Variants in TRIP4 observed in about 807,000 individuals in gnomAD.
TRIP4 encodes thyroid hormone receptor interactor 4, also known as activating signal cointegrator 1.
In TRIP4, 54 loss-of-function variants were observed where a neutral mutation model predicts 81.8. The observed-to-expected ratio is 0.66, with a 90% CI of 0.53 to 0.83. The LOEUF (loss-of-function observed/expected upper bound fraction) is 0.83. Among genes scored for constraint, TRIP4 ranks in the 40% least tolerant of loss-of-function variants. The pLI, the probability that TRIP4 is intolerant of heterozygous loss-of-function variation, is 0.00. For synonymous variants in TRIP4, 270 were observed against 242.8 expected (o/e 1.11, Z -1.04); for missense variants, 662 against 683.6 (o/e 0.97, Z 0.35).
Position 64,424,382 on chromosome 15 carries a change from T to C in TRIP4, c.1483+227T>C, listed in dbSNP as rs184444257. On this transcript the variant is annotated intron_variant, in intron 10 of 12. Coordinates refer to ENST00000261884, the MANE Select transcript of TRIP4 (RefSeq NM_016213.5). ...ATTTCCAACACAAGAAATCAACTAG[T>C]CTTAATTTTTTTATCTGAGAAAATC... 369 of 505,396 alleles carry C rather than the reference T, an allele frequency of 7.3e-4. 1 individual carries two copies. The highest frequency in any genetic ancestry group is 6.9e-5 in the Non-Finnish European group (21 of 303,366). The allele number at this position is 505,396 out of a possible 1,614,324, so 31.3% of individuals were successfully genotyped here.
intron 9 of TRIP4, among the ~76,000 whole-genome samples, chr15:64,423,191 G>A (rs537474213): frequency 7.2e-5 from 11 of 152,156 alleles, no homozygotes; most frequent in Non-Finnish European, 1.2e-4. Context: ...AAATGGAGCC[G>A]GGCATGGTGG....
chr15:64,417,249 C>T (rs1245516853), intron 8 of TRIP4, among the ~76,000 whole-genome samples: 5 of 152,018 alleles, frequency 3.3e-5, no homozygotes, highest in Non-Finnish European at 7.4e-5. Context: ...TGGGCTCAAG[C>T]GATCCTCCTG....
rs1891721924 is a variant in TRIP4 at position 64,409,930 on chromosome 15, G to A, written c.1043+102G>A. The A allele has an allele frequency of 2.8e-6, 3 of 1,054,428 alleles. No homozygotes were observed. In the South Asian group the frequency reaches 4.8e-5, roughly 17 times the overall value. The allele number at this position is 1,054,428 out of a possible 1,614,324, so 65.3% of individuals were successfully genotyped here. A position where few individuals can be genotyped will look rare whatever the true frequency, so the allele number is the denominator to read the frequency against. On this transcript the variant is annotated intron_variant, in intron 7 of 12. Transcript: ENST00000261884. ...TTTTATTTTTGTTGATTTAAAAAAT[G>A]TGTTTATTTGGAACAGAAAACATGT... is the stretch of plus-strand genomic sequence containing the variant.
chr15:64,413,788 A>G (rs1891824842), intron 7 of TRIP4, among the ~76,000 whole-genome samples: 1 of 151,562 alleles, frequency 6.6e-6, no homozygotes, highest in Non-Finnish European at 1.5e-5. Flanking sequence ...GGGTTTCACC[A>G]TGTTGGCCAG....
intron 11 of TRIP4, among the ~76,000 whole-genome samples, chr15:64,431,860 A>C (rs1892282987): frequency 1.3e-5 from 1 of 76,692 alleles, no homozygotes; most frequent in Non-Finnish European, 3.1e-5. Context: ...TTTTTTATCC[A>C]AAGAGCATTG....
chr15:64,449,271 GT>G (rs1258427389), intron 12 of TRIP4, among the ~76,000 whole-genome samples: 1 of 148,168 alleles, frequency 6.7e-6, no homozygotes, highest in East Asian at 2.0e-4. Flanking sequence ...TTAAATGTTT[GT>G]TTTTTTTGTT....
At chr15:64,442,693 A>G (rs991100376) in intron 11 of TRIP4, among the ~76,000 whole-genome samples, 2 of 151,966 alleles carry the variant, frequency 1.3e-5, no homozygotes, top group Admixed American at 6.6e-5. Context: ...TAGATCAATT[A>G]AGATGAGAAC....
In TRIP4 at chr15:64,397,759, T is replaced by G. The variant is rs1390150063; in HGVS notation, c.559T>G (p.Cys187Gly). The change falls in exon 4 of 13, where the codon TGT becomes GGT. Residue 187 changes from cysteine to glycine, a missense_variant. Coordinates refer to ENST00000261884, the MANE Select transcript of TRIP4 (RefSeq NM_016213.5). ...CAAGCTCATCAATAACTGTCTGATCTGTGGGCGCATTGTCTGTGAACAAGA... is the reference window on the plus strand; with the variant it reads ...CAAGCTCATCAATAACTGTCTGATCGGTGGGCGCATTGTCTGTGAACAAGA... ...KHKLINNCLI[C>G]GRIVCEQEGS... is the part of the protein sequence containing the mutation. 1 of 1,614,160 alleles carries G rather than the reference T, an allele frequency of 6.2e-7. No individual in the cohort carries two copies. Among genetic ancestry groups the G allele is most frequent in the African/African-American group, 1.3e-5 (1 of 74,962 alleles).
chr15:64,393,461 A>C, intron 1 of TRIP4: 1 of 151,700 alleles, frequency 6.6e-6, no homozygotes, highest in Non-Finnish European at 1.5e-5. Flanking sequence ...CCGGCCGCTT[A>C]TGTGTTAATT....
chr15:64,420,419 C>G (rs1286148042), intron 9 of TRIP4, among the ~76,000 whole-genome samples: 1 of 152,092 alleles, frequency 6.6e-6, no homozygotes, highest in Non-Finnish European at 1.5e-5. Flanking sequence ...ATGCGCCCGG[C>G]TGTTTCTATT....
At chr15:64,411,953 T>TC (rs398118937) in intron 7 of TRIP4, among the ~76,000 whole-genome samples, 1 of 100 alleles carries the variant, frequency 0.01, no homozygotes. Context: ...AGTGCTGGGA[T>TC]ACAGGCGTGA....
chr15:64,415,483 A>G (rs1891874347), intron 8 of TRIP4, among the ~76,000 whole-genome samples: 1 of 152,214 alleles, frequency 6.6e-6, no homozygotes, highest in Non-Finnish European at 1.5e-5. Context: ...ATTCCCTCTG[A>G]AGGCTTTACA....
chr15:64,418,701 C>T lies in TRIP4; in HGVS notation c.1331C>T (p.Ala444Val). The T allele has an allele frequency of 1.2e-6, 2 of 1,613,422 alleles. No homozygotes were observed. Among genetic ancestry groups the T allele is most frequent in the Non-Finnish European group, 1.7e-6 (2 of 1,179,798 alleles). ...GWCLSVHQPW[A>V]SLLVRGIKRV... ...TGCCTCTCTGTACATCAGCCCTGGG[C>T]TTCTCTGCTTGTCAGAGGGATTAAA... Residue 444 changes from alanine to valine, a missense_variant, in exon 9 of 13, where the codon GCT (alanine) becomes GTT (valine). Transcript: ENST00000261884.
At chr15:64,395,598 A>C (rs1192968281) in intron 3 of TRIP4, 67 bp downstream of exon 3, 34 of 1,519,588 alleles carry the variant, frequency 2.2e-5, no homozygotes, top group Non-Finnish European at 2.8e-5. Context: ...TACATTTCAG[A>C]GAGCAAAGTG....
intron 3 of TRIP4, 43 bp from the exon 4 acceptor site, chr15:64,397,563 G>T: frequency 6.3e-7 from 1 of 1,588,674 alleles, no homozygotes; most frequent in Non-Finnish European, 8.6e-7. Context: ...TTTTTACATT[G>T]TCATTAATTA....
intron 4 of TRIP4, among the ~76,000 whole-genome samples, chr15:64,399,734 C>T (rs1403180958): frequency 6.6e-6 from 1 of 152,054 alleles, no homozygotes; most frequent in Non-Finnish European, 1.5e-5. Context: ...CTCCTGACCT[C>T]AGGTGATCTA....
At chr15:64,443,328 G>A (rs936689) in intron 11 of TRIP4, among the ~76,000 whole-genome samples, 112,828 of 152,176 alleles carry the variant, frequency 0.74, 45,415 homozygotes, top group East Asian at 0.96. Flanking sequence ...CATGGAAGAA[G>A]GAGGAGAGAT....
chr15:64,409,959 G>T, intron 7 of TRIP4, 131 bp downstream of exon 7: 2 of 760,398 alleles, frequency 2.6e-6, no homozygotes, highest in Non-Finnish European at 2.0e-6. Context: ...AACATGTTAA[G>T]AATAGCTAAG....
intron 12 of TRIP4, among the ~76,000 whole-genome samples, chr15:64,448,214 T>A (rs1892675850): frequency 6.6e-6 from 1 of 152,174 alleles, no homozygotes; most frequent in South Asian, 2.1e-4. Context: ...TTGGTTTTCA[T>A]CTGCTGCCTA....
Sources: gnomAD v4.1 joint callset for allele counts (sites outside exome capture counted in the v4.1 genomes callset) on GRCh38, gnomAD v4.1.1 for gene constraint, MANE v1.5 for transcripts, NCBI Gene and HGNC (gene_info 2026-07-23, HGNC 2026-07-21) for gene names.